The following GIN1 variants were observed in gnomAD, a reference collection of about 807,000 sequenced individuals.
GIN1 encodes the protein gypsy retrotransposon integrase 1.
In GIN1, 41 loss-of-function variants were observed where a neutral mutation model predicts 51.4. That is an observed-to-expected ratio of 0.80 (90% CI 0.62 to 1.04). The LOEUF is 1.04. Among genes scored for constraint, GIN1 ranks in the 50% least tolerant of loss-of-function variants. The pLI is 0.00. For synonymous variants in GIN1, 222 were observed against 206.5 expected (o/e 1.07, Z -0.64); for missense variants, 610 against 612.4 (o/e 1.00, Z 0.04).
chr5:103,103,790 T>C (rs1787641920), intron 4 of GIN1, among the ~76,000 whole-genome samples: 1 of 152,104 alleles, frequency 6.6e-6, no homozygotes, highest in Admixed American at 6.6e-5. Context: ...AGTGTTATTA[T>C]TATTATTGTT....
chr5:103,094,964 G>C (rs1193896941), intron 7 of GIN1, among the ~76,000 whole-genome samples: 1 of 152,192 alleles, frequency 6.6e-6, no homozygotes, highest in African/African-American at 2.4e-5. Context: ...AAGGTACTAA[G>C]AGGTTTTAAC....
At chr5:103,092,990 A>G (rs1339716686) in intron 7 of GIN1, among the ~76,000 whole-genome samples, 1 of 151,488 alleles carries the variant, frequency 6.6e-6, no homozygotes, top group Non-Finnish European at 1.5e-5. Context: ...GAAAGAAAAA[A>G]AAAAGATATA....
At chr5:103,090,181 G>A (rs1787197733) in intron 7 of GIN1, among the ~76,000 whole-genome samples, 1 of 152,076 alleles carries the variant, frequency 6.6e-6, no homozygotes, top group Non-Finnish European at 1.5e-5. Context: ...CCCAGCTACT[G>A]GGGAGGCTTA....
chr5:103,109,237 TTGC>T (rs1554196663), intron 1 of GIN1, among the ~76,000 whole-genome samples: 1 of 152,132 alleles, frequency 6.6e-6, no homozygotes, highest in African/African-American at 2.4e-5. Flanking sequence ...GTTGTTTACT[TTGC>T]TACTGTCTGT....
intron 7 of GIN1, among the ~76,000 whole-genome samples, chr5:103,091,534 G>C (rs563157273): frequency 6.6e-6 from 1 of 152,244 alleles, no homozygotes; most frequent in East Asian, 1.9e-4. Flanking sequence ...ATTTAGTTAT[G>C]ATTATGACAT....
At chr5:103,116,461 T>C (rs967436249) in intron 1 of GIN1, among the ~76,000 whole-genome samples, 1 of 152,086 alleles carries the variant, frequency 6.6e-6, no homozygotes, top group African/African-American at 2.4e-5. Flanking sequence ...TCAAATGATA[T>C]GTAAAAATTA....
At chr5:103,115,491 A>G (rs2151477940) in intron 1 of GIN1, among the ~76,000 whole-genome samples, 1 of 152,232 alleles carries the variant, frequency 6.6e-6, no homozygotes, top group Middle Eastern at 3.4e-3. Flanking sequence ...AGACAGAAAG[A>G]ATAATGATGG....
rs544484840 is a variant in GIN1, at chr5:103,111,009, ATCCTCACTACACTCTCTCCTCTGCC to A, written c.-7-2320_-7-2296del. Among the ~76,000 whole-genome samples the A allele has an allele frequency of 1.6e-3, 249 of 152,102 alleles. 1 individual carries two copies. The highest frequency in any genetic ancestry group is 5.7e-3 in the African/African-American group (238 of 41,480). ...TCCTGATGCCTTTACTTTCCATGTC[ATCCTCACTACACTCTCTCCTCTGCC>A]AGGACTCCATGGCAAACTTTTACTT... On this transcript the variant is annotated intron_variant, in intron 1 of 7. Coordinates refer to ENST00000399004, the MANE Select transcript of GIN1 (RefSeq NM_017676.2).
intron 7 of GIN1, among the ~76,000 whole-genome samples, chr5:103,094,442 AC>A (rs1787336696): frequency 6.6e-6 from 1 of 152,168 alleles, no homozygotes; most frequent in African/African-American, 2.4e-5. Context: ...TCCTTATATT[AC>A]TGGAAGAATC....
At position 103,086,750 on chromosome 5, in the gene GIN1, TTACA is replaced by T. The variant is rs1449063041; in HGVS notation, c.*1144_*1147del. 4 of 152,254 alleles carry T rather than the reference TTACA, an allele frequency of 2.6e-5. No homozygotes were observed. The highest frequency in any genetic ancestry group is 4.8e-5 in the African/African-American group (2 of 41,466). The allele number at this position is 152,254 out of a possible 1,614,324, so 9.4% of individuals were successfully genotyped here. On this transcript the variant is annotated 3_prime_UTR_variant, in exon 8 of 8. Transcript: ENST00000399004. ...TGCCTTAACTTGTGCTGTACATGGC[TTACA>T]TAGTTTATTACCTACCAGACAGTAA...
At chr5:103,102,705 A>G (rs1364378327) in intron 4 of GIN1, 1 of 152,100 alleles carries the variant, frequency 6.6e-6, no homozygotes, top group African/African-American at 2.4e-5. Context: ...TGAGTTCAGG[A>G]GTTCAAAACC....
At position 103,088,041 on chromosome 5, in the gene GIN1, A is replaced by T. The variant is rs1554194126; in HGVS notation, c.1426T>A (p.Leu476Ile). Reference protein sequence around the residue: ...DATIGIVDNELLTSSKDRELL... With the variant: ...DATIGIVDNEILTSSKDRELL... ...TCACGATCCTTGCTTGATGTCAGTA[A>T]TTCATTATCGACTATACCAATAGTT... Residue 476 changes from leucine (L) to isoleucine (I), a missense_variant, in exon 8 of 8, where the codon TTA becomes ATA. Coordinates refer to ENST00000399004, the MANE Select transcript of GIN1 (RefSeq NM_017676.2). 10 of 1,610,966 alleles carry T rather than the reference A, an allele frequency of 6.2e-6. No homozygotes were observed. Among genetic ancestry groups the T allele is most frequent in the Non-Finnish European group, 7.6e-6 (9 of 1,177,394 alleles).
chr5:103,100,112 AT>A (rs782290428), intron 4 of GIN1, among the ~76,000 whole-genome samples: 154 of 144,750 alleles, frequency 1.1e-3, no homozygotes, highest in Admixed American at 1.1e-3. Flanking sequence ...TTTATTTTTT[AT>A]TTTTTTTTTT....
intron 1 of GIN1, among the ~76,000 whole-genome samples, chr5:103,118,761 TC>T (rs1388818754): frequency 6.6e-6 from 1 of 151,698 alleles, no homozygotes; most frequent in Non-Finnish European, 1.5e-5. Context: ...TTTTTTTTTT[TC>T]AAAGCCCATA....
chr5:103,099,776 G>A (rs955098704), intron 4 of GIN1, among the ~76,000 whole-genome samples: 2 of 152,110 alleles, frequency 1.3e-5, no homozygotes, highest in African/African-American at 4.8e-5. Flanking sequence ...TTCCTTCAGA[G>A]GTTTACAAAA....
At chr5:103,101,596 T>C (rs781994782) in intron 4 of GIN1, among the ~76,000 whole-genome samples, 13 of 152,194 alleles carry the variant, frequency 8.5e-5, no homozygotes, top group South Asian at 2.1e-4. Context: ...TTTAGTATTA[T>C]CTGCTTTCAC....
rs146167111 is a variant in GIN1, at chr5:103,097,894, T to G, written c.640-113A>C. The stretch of plus-strand genomic sequence containing the variant: ...ATCTTGCCTTTTATTTATCTATTTA[T>G]TTTTTTGAGATGGAGTCTTGCTCAG... On this transcript the variant is annotated intron_variant, in intron 4 of 7. Transcript: ENST00000399004. 4,906 of 588,188 alleles carry G rather than the reference T, an allele frequency of 8.3e-3. 27 individuals are homozygous for G. The highest frequency in any genetic ancestry group is 0.013 in the Non-Finnish European group (4,309 of 341,914). 36.4% of individuals were successfully genotyped at this position (588,188 alleles called of 1,614,324 possible).
intron 1 of GIN1, among the ~76,000 whole-genome samples, chr5:103,109,079 C>T (rs1787806060): frequency 6.6e-6 from 1 of 151,978 alleles, no homozygotes; most frequent in African/African-American, 2.4e-5. Context: ...CAGGAGGATC[C>T]TGTCATGTGA....
intron 4 of GIN1, among the ~76,000 whole-genome samples, chr5:103,099,667 C>G (rs1554195561): frequency 6.6e-6 from 1 of 152,112 alleles, no homozygotes; most frequent in Non-Finnish European, 1.5e-5. Context: ...CTGTCAGCCC[C>G]CCAACCATCA....
Sources: allele counts gnomAD v4.1 joint callset (sites outside exome capture counted in the v4.1 genomes callset), GRCh38; gene constraint gnomAD v4.1.1; transcripts MANE v1.5; gene names NCBI Gene and HGNC (gene_info 2026-07-23, HGNC 2026-07-21).